PDGFD: variants seen among roughly 807,000 people sequenced by gnomAD.
PDGFD encodes the protein platelet-derived growth factor D.
In PDGFD, 30 loss-of-function variants were observed where a neutral mutation model predicts 44.7. That is an observed-to-expected ratio of 0.67 (90% CI 0.50 to 0.91). The LOEUF (loss-of-function observed/expected upper bound fraction) is 0.91, where lower values mean the gene tolerates loss of function less well. PDGFD is among the 40% of genes least tolerant of loss of function. The pLI, the probability that PDGFD is intolerant of heterozygous loss-of-function variation, is 0.00. For missense variants in PDGFD, 445 were observed against 457.8 expected, an observed-to-expected ratio of 0.97 and a Z score of 0.25; for synonymous variants, 173 against 168.4, an observed-to-expected ratio of 1.03 and a Z score of -0.21.
intron 1 of PDGFD, among the ~76,000 whole-genome samples, chr11:104,067,463 A>G (rs1396084349): frequency 1.3e-5 from 2 of 152,180 alleles, no homozygotes; most frequent in African/African-American, 4.8e-5. Flanking sequence ...TTCAAATTTG[A>G]AAATCTTTCT....
intron 2 of PDGFD, 66 bp from the exon 3 acceptor site, chr11:103,996,311 T>C: frequency 7.4e-7 from 1 of 1,350,802 alleles, no homozygotes; most frequent in East Asian, 2.3e-5. Flanking sequence ...ATACTTTCAC[T>C]GAGAAATTAA....
At chr11:103,927,311 T>G (rs769366520) in intron 5 of PDGFD, among the ~76,000 whole-genome samples, 185 bp from the exon 6 acceptor site, 16 of 152,146 alleles carry the variant, frequency 1.1e-4, no homozygotes, top group Non-Finnish European at 2.1e-4. Context: ...CTTGATCCCA[T>G]CTACCCTTTG....
At chr11:104,012,569 T>C (rs1265027920) in intron 1 of PDGFD, among the ~76,000 whole-genome samples, 1 of 152,244 alleles carries the variant, frequency 6.6e-6, no homozygotes, top group Non-Finnish European at 1.5e-5. Context: ...TTAAAGCTCA[T>C]GCTAACAAAT....
rs1861685994 is a variant in PDGFD at position 104,118,830 on chromosome 11, A to T, written c.124+44974T>A. Among the ~76,000 whole-genome samples, 9 of 35,738 alleles carry T rather than the reference A, an allele frequency of 2.5e-4. 1 individual carries two copies. The South Asian group carries it at 8.8e-3, about 35-fold the overall frequency. The allele number at this position is 35,738 out of a possible 152,430, so 23.4% of individuals were successfully genotyped here. ...ATATAATATATTATATATTATAAAT[A>T]TTAATATATAATATATTATATATTA... On this transcript the variant is annotated intron_variant, in intron 1 of 6. Coordinates refer to ENST00000393158, the MANE Select transcript of PDGFD (RefSeq NM_025208.5).
intron 3 of PDGFD, among the ~76,000 whole-genome samples, chr11:103,961,163 T>C (rs1159810951): frequency 6.6e-6 from 1 of 152,220 alleles, no homozygotes; most frequent in Non-Finnish European, 1.5e-5. Context: ...ACAGGGCCTG[T>C]TAACCTTTTA....
At chr11:103,962,127 G>A (rs1245727102) in intron 3 of PDGFD, among the ~76,000 whole-genome samples, 2 of 152,110 alleles carry the variant, frequency 1.3e-5, no homozygotes, top group African/African-American at 2.4e-5. Context: ...ATTCGGTGCC[G>A]TTGGTTTGGA....
At chr11:103,925,110 C>T (rs1378761220) in intron 6 of PDGFD, among the ~76,000 whole-genome samples, 1 of 152,100 alleles carries the variant, frequency 6.6e-6, no homozygotes, top group African/African-American at 2.4e-5. Context: ...TAGCTTCATC[C>T]GTGTCTCTGC....
At chr11:104,072,157 T>TTTG (rs1860888136) in intron 1 of PDGFD, among the ~76,000 whole-genome samples, 1 of 151,900 alleles carries the variant, frequency 6.6e-6, no homozygotes. Context: ...TTCTTTACAT[T>TTTG]TATAAAATAC....
chr11:103,978,548 T>A (rs72986876), intron 3 of PDGFD, among the ~76,000 whole-genome samples: 4,700 of 152,156 alleles, frequency 0.031, 122 homozygotes, highest in Middle Eastern at 0.12. Context: ...GAGTTTTTTT[T>A]AATGGAATTA....
intron 3 of PDGFD, among the ~76,000 whole-genome samples, chr11:103,981,046 C>T (rs1195952968): frequency 6.7e-6 from 1 of 149,168 alleles, no homozygotes; most frequent in African/African-American, 2.6e-5. Context: ...CTCTCCAAAA[C>T]TCATGTTGGA....
At chr11:103,931,550 G>A (rs954463555) in intron 5 of PDGFD, among the ~76,000 whole-genome samples, 2 of 152,090 alleles carry the variant, frequency 1.3e-5, no homozygotes, top group Non-Finnish European at 2.9e-5. Flanking sequence ...TTAAACTGCT[G>A]CATGTCCTTG....
chr11:103,911,032 A>G (rs1338318036), intron 6 of PDGFD, among the ~76,000 whole-genome samples: 1 of 152,210 alleles, frequency 6.6e-6, no homozygotes, highest in Non-Finnish European at 1.5e-5. Context: ...CTGCCTCTCT[A>G]GATTCCTCCT....
chr11:103,992,329 C>A (rs925843959), intron 3 of PDGFD, among the ~76,000 whole-genome samples: 1 of 152,132 alleles, frequency 6.6e-6, no homozygotes, highest in African/African-American at 2.4e-5. Context: ...CCAACTTCAA[C>A]AAGCAGATAA....
intron 6 of PDGFD, among the ~76,000 whole-genome samples, chr11:103,918,764 T>G (rs937639220): frequency 2.0e-5 from 3 of 152,202 alleles, no homozygotes; most frequent in African/African-American, 7.2e-5. Flanking sequence ...ACAGCACTGA[T>G]GTTCAAAGCT....
At chr11:104,006,645 G>T (rs1036117821) in intron 1 of PDGFD, among the ~76,000 whole-genome samples, 1 of 152,178 alleles carries the variant, frequency 6.6e-6, no homozygotes, top group Non-Finnish European at 1.5e-5. Flanking sequence ...AGATGAGGAG[G>T]AGACGAACAG....
chr11:104,097,706 C>T (rs1039813033), intron 1 of PDGFD, among the ~76,000 whole-genome samples: 3 of 152,158 alleles, frequency 2.0e-5, no homozygotes, highest in African/African-American at 7.2e-5. Context: ...AATCCCCGCA[C>T]CAACTCTATG....
intron 1 of PDGFD, among the ~76,000 whole-genome samples, chr11:104,001,725 G>T (rs1341072279): frequency 6.6e-6 from 1 of 152,178 alleles, no homozygotes; most frequent in East Asian, 1.9e-4. Flanking sequence ...TCCAGCCACA[G>T]TCTATTTATG....
intron 1 of PDGFD, among the ~76,000 whole-genome samples, chr11:104,144,507 C>CAAAAAAAAAAAAAAAAAAAAAAA (rs201864924): frequency 1.4e-5 from 1 of 73,820 alleles, no homozygotes; most frequent in African/African-American, 6.3e-5. Flanking sequence ...ACTCCGTCAC[C>CAAAAAAAAAAAAAAAAAAAAAAA]AAAAAAAAAA....
intron 1 of PDGFD, among the ~76,000 whole-genome samples, chr11:104,138,489 T>C (rs1862041355): frequency 6.6e-6 from 1 of 152,196 alleles, no homozygotes; most frequent in Non-Finnish European, 1.5e-5. Context: ...CTATGTGTAT[T>C]ATAGCAAAGC....
Sources: gnomAD v4.1 joint callset for allele counts (sites outside exome capture counted in the v4.1 genomes callset) on GRCh38, gnomAD v4.1.1 for gene constraint, MANE v1.5 for transcripts, NCBI Gene and HGNC (gene_info 2026-07-23, HGNC 2026-07-21) for gene names.